Variants in SLC27A1 observed in about 807,000 individuals in gnomAD.
SLC27A1 encodes the protein solute carrier family 27 member 1.
In SLC27A1, 61 loss-of-function variants were observed where a neutral mutation model predicts 62.2. The ratio of observed to expected loss-of-function variants is 0.98; its 90% CI spans 0.80 to 1.21. SLC27A1 has a LOEUF of 1.21. Among genes scored for constraint, SLC27A1 ranks in the 50% most tolerant of loss-of-function variants. SLC27A1 has a pLI of 0.00. For synonymous variants in SLC27A1, 435 were observed against 408.6 expected (o/e 1.06, Z -0.78); for missense variants, 903 against 932.1 (o/e 0.97, Z 0.41).
In SLC27A1 at chr19:17,500,180, G is replaced by C. The variant is rs2075393780; in HGVS notation, c.1207-98G>C. 15 of 1,521,392 alleles carry C rather than the reference G, an allele frequency of 9.9e-6. No homozygotes were observed. In the South Asian group the frequency reaches 1.9e-4, roughly 19 times the overall value. The allele number at this position is 1,521,392 out of a possible 1,614,324, so 94.2% of individuals were successfully genotyped here. A position where few individuals can be genotyped will look rare whatever the true frequency, so the allele number is the denominator to read the frequency against. On this transcript the variant is annotated intron_variant, in intron 7 of 11. Transcript: ENST00000252595. ...TCACAGAGCTTAGAATGACACTGGA[G>C]GTGCTAGGTCCAAGCCCCAGGGCAA...
intron 6 of SLC27A1, among the ~76,000 whole-genome samples, chr19:17,493,427 CA>C (rs769247313): frequency 0.13 from 9,586 of 71,308 alleles, 97 homozygotes; most frequent in South Asian, 0.17. Flanking sequence ...AACTCCATCT[CA>C]AAAAAAAAAA....
intron 1 of SLC27A1, among the ~76,000 whole-genome samples, chr19:17,473,542 C>T (rs942044560): frequency 6.6e-6 from 1 of 152,190 alleles, no homozygotes; most frequent in African/African-American, 2.4e-5. Context: ...TCCTTATTTT[C>T]TGATCACCTT....
chr19:17,492,616 C>CAAAA (rs35790162), intron 6 of SLC27A1, among the ~76,000 whole-genome samples: 1 of 70,620 alleles, frequency 1.4e-5, no homozygotes, highest in Non-Finnish European at 2.5e-5. Flanking sequence ...GACTCCATCT[C>CAAAA]AAAAAAAAAA....
Position 17,501,376 on chromosome 19 carries a change from C to G in SLC27A1, c.1740C>G (p.Ala580=). Residue 580 remains alanine, a synonymous_variant, in exon 11 of 12, where the codon GCC becomes GCG. Coordinates refer to ENST00000252595, the MANE Select transcript of SLC27A1 (RefSeq NM_198580.3). ...TGCAGAAGGTGCTGGCACCCTATGC[C>G]CGGCCCATCTTCCTGCGCCTCCTGC... ...QELQKVLAPY[A]RPIFLRLLPQ... 2 of 1,613,822 alleles carry G rather than the reference C, an allele frequency of 1.2e-6. No homozygotes were observed. Among genetic ancestry groups the G allele is most frequent in the Non-Finnish European group, 1.7e-6 (2 of 1,179,944 alleles).
At chr19:17,481,426 C>G (rs981059066) in intron 1 of SLC27A1, among the ~76,000 whole-genome samples, 2 of 151,084 alleles carry the variant, frequency 1.3e-5, no homozygotes, top group Non-Finnish European at 2.9e-5. Context: ...AAGTGATTCT[C>G]CTGCCTCAGC....
chr19:17,501,612 G>C (rs936906383), intron 11 of SLC27A1, among the ~76,000 whole-genome samples, 193 bp downstream of exon 11: 3 of 151,612 alleles, frequency 2.0e-5, no homozygotes, highest in Non-Finnish European at 2.9e-5. Flanking sequence ...GAGCATCCCG[G>C]CTAACACAGT....
At chr19:17,483,131 A>G (rs1444182143) in intron 1 of SLC27A1, among the ~76,000 whole-genome samples, 1 of 152,122 alleles carries the variant, frequency 6.6e-6, no homozygotes, top group African/African-American at 2.4e-5. Flanking sequence ...TGAATGAACA[A>G]AGGAGGGAAT....
rs1175394305 is a variant in SLC27A1 at position 17,502,335 on chromosome 19, G to GTTTTTTTT, written c.1783+917_1783+924dup. On this transcript the variant is annotated intron_variant, in intron 11 of 11. Transcript: ENST00000252595. ...CTGCCACTAAGCATTCTGAAATAGT[G>GTTTTTTTT]TTTTTTTTGTTTTTTTTTTTTTTTT... is the stretch of plus-strand genomic sequence containing the variant. Among the ~76,000 whole-genome samples, 144 of 75,902 alleles carry GTTTTTTTT rather than the reference G, an allele frequency of 1.9e-3. 32 individuals are homozygous for GTTTTTTTT. The highest frequency in any genetic ancestry group is 0.038 in the Middle Eastern group (2 of 52). The allele number at this position is 75,902 out of a possible 152,430, so 49.8% of individuals were successfully genotyped here.
intron 4 of SLC27A1, 83 bp from the exon 5 acceptor site, chr19:17,488,765 A>G: frequency 1.6e-6 from 2 of 1,280,394 alleles, no homozygotes; most frequent in Non-Finnish European, 2.2e-6. Context: ...GCCTGGGTCC[A>G]CATGCAGCAT....
Position 17,490,744 on chromosome 19 carries a change from T to G in SLC27A1, c.996+1627T>G, listed in dbSNP as rs150267171. 2.0e-3 allele frequency among the ~76,000 whole-genome samples: 309 copies of G among 152,194 alleles called. 3 individuals carry two copies. The highest frequency in any genetic ancestry group is 7.1e-3 in the African/African-American group (296 of 41,534). The stretch of plus-strand genomic sequence containing the variant: ...AATTAGCCATATTAAAGTGAAAAAT[T>G]TGGCCAGGCACAGTGGCTCACGCCT... On this transcript the variant is annotated intron_variant, in intron 6 of 11. Transcript: ENST00000252595.
chr19:17,473,184 C>T (rs910434898), intron 1 of SLC27A1, among the ~76,000 whole-genome samples: 1 of 152,018 alleles, frequency 6.6e-6, no homozygotes, highest in Non-Finnish European at 1.5e-5. Context: ...CACCCAATTT[C>T]AGCCTCCCAA....
intron 6 of SLC27A1, among the ~76,000 whole-genome samples, chr19:17,494,605 G>A (rs904165242): frequency 2.0e-5 from 3 of 152,090 alleles, no homozygotes; most frequent in Non-Finnish European, 4.4e-5. Flanking sequence ...GAGATTACAG[G>A]CGTGAGCTAC....
rs1344803843 is a variant in SLC27A1, at chr19:17,487,277, G to T, written c.666G>T (p.Pro222=). ...TGCCGGACACCCACCTCCTGGACCCGCTGCTGAAGGAGGCCTCTACTGCCC... is the reference window on the plus strand; with the variant it reads ...TGCCGGACACCCACCTCCTGGACCCTCTGCTGAAGGAGGCCTCTACTGCCC... ...GILPDTHLLD[P]LLKEASTAPL... The change falls in exon 3 of 12, where the codon CCG becomes CCT. Residue 222 remains proline, a synonymous_variant. Transcript: ENST00000252595. The T allele has an allele frequency of 1.2e-6, 2 of 1,613,710 alleles. No individual in the cohort carries two copies. Among genetic ancestry groups the T allele is most frequent in the East Asian group, 2.2e-5 (1 of 44,870 alleles).
intron 1 of SLC27A1, among the ~76,000 whole-genome samples, chr19:17,480,541 C>CTT (rs3079223): frequency 0.011 from 1,253 of 111,774 alleles, 83 homozygotes; most frequent in African/African-American, 0.037. Flanking sequence ...TAATTTTTTT[C>CTT]TTTTTTTTTT....
At position 17,504,647 on chromosome 19, in the gene SLC27A1, G is replaced by C; in HGVS notation, c.*35G>C. ...TCTACTGGCCACAAACTCTGGGCCT[G>C]GTGGGAGAGGCCAGCTTGAGCCAGA... On this transcript the variant is annotated 3_prime_UTR_variant, in exon 12 of 12. Coordinates refer to ENST00000252595, the MANE Select transcript of SLC27A1 (RefSeq NM_198580.3). The C allele has an allele frequency of 6.2e-7, 1 of 1,612,990 alleles. No homozygotes were observed. The highest frequency in any genetic ancestry group is 8.5e-7 in the Non-Finnish European group (1 of 1,179,648).
At position 17,486,592 on chromosome 19, in the gene SLC27A1, T is replaced by C; in HGVS notation, c.197T>C (p.Leu66Pro). The C allele has an allele frequency of 6.3e-7, 1 of 1,593,506 alleles. No individual in the cohort carries two copies. The highest frequency in any genetic ancestry group is 8.5e-7 in the Non-Finnish European group (1 of 1,176,910). ...CTCTCTGTGCTGATCCGCGTGCGCC[T>C]GGAGCTGCGGCGGCACCAGCGTGCC... The part of the protein sequence containing the change: ...FGLSVLIRVR[L>P]ELRRHQRAGH... The change falls in exon 2 of 12, where the codon CTG (leucine) becomes CCG (proline). Residue 66 changes from leucine to proline, a missense_variant. Transcript: ENST00000252595. The surrounding 1 kb of genome is among the most constrained non-coding windows in gnomAD (Gnocchi z 6.6).
Position 17,504,796 on chromosome 19 carries a change from C to T in SLC27A1, c.*184C>T. ...CCCGTGCCTCTCTGCTGCCTTGGTG[C>T]CCCTGTGTCTGCCTCCTCTCCCTGC... On this transcript the variant is annotated 3_prime_UTR_variant, in exon 12 of 12. Coordinates refer to ENST00000252595, the MANE Select transcript of SLC27A1 (RefSeq NM_198580.3). The T allele has an allele frequency of 1.3e-6, 1 of 774,688 alleles. No individual in the cohort carries two copies. The highest frequency in any genetic ancestry group is 1.5e-5 in the South Asian group (1 of 68,202). The allele number at this position is 774,688 out of a possible 1,614,324, so 48.0% of individuals were successfully genotyped here.
At chr19:17,487,402 TTC>T in intron 3 of SLC27A1, 56 bp from the exon 4 acceptor site, 1 of 663,236 alleles carries the variant, frequency 1.5e-6, no homozygotes, top group Non-Finnish European at 2.0e-6. Flanking sequence ...CGCCCCCAAC[TTC>T]CAGGCCCCAC....
Position 17,487,232 on chromosome 19 carries a change from C to T in SLC27A1, c.621C>T (p.Asp207=). The change falls in exon 3 of 12, where the codon GAC becomes GAT. Residue 207 remains aspartate, a synonymous_variant. Coordinates refer to ENST00000252595, the MANE Select transcript of SLC27A1 (RefSeq NM_198580.3). The part of the protein sequence containing the change: ...GKSLIKFCSG[D]LGPEGILPDT... ...GTTTGATCAAGTTCTGCTCTGGAGACTTGGGGCCCGAGGGCATCTTGCCGG... is the reference window on the plus strand; with the variant it reads ...GTTTGATCAAGTTCTGCTCTGGAGATTTGGGGCCCGAGGGCATCTTGCCGG... 6.2e-7 allele frequency: 1 copy of T among 1,614,116 alleles called. No homozygotes were observed. Among genetic ancestry groups the T allele is most frequent in the South Asian group, 1.1e-5 (1 of 91,082 alleles).
Sources: allele counts gnomAD v4.1 joint callset (sites outside exome capture counted in the v4.1 genomes callset), GRCh38; gene constraint gnomAD v4.1.1; non-coding constraint Gnocchi (gnomAD v3.1); transcripts MANE v1.5; gene names NCBI Gene and HGNC (gene_info 2026-07-23, HGNC 2026-07-21).